HYDIN: variants seen among roughly 807,000 people sequenced by gnomAD.
The protein encoded by HYDIN is axonemal central pair apparatus protein HYDIN.
HYDIN carries 132 observed loss-of-function variants against 403.9 expected under a neutral mutation model. That is an observed-to-expected ratio of 0.33 (90% CI 0.28 to 0.38). The LOEUF (loss-of-function observed/expected upper bound fraction) is 0.38, where lower values mean the gene tolerates loss of function less well. HYDIN is among the 10% of genes least tolerant of loss of function. The pLI, the probability that HYDIN is intolerant of heterozygous loss-of-function variation, is 1.00. For synonymous variants in HYDIN, 1,202 were observed against 1,891.7 expected (o/e 0.64, Z 9.46); for missense variants, 2,827 against 5,009.5 (o/e 0.56, Z 13.15).
rs145782282 is a variant in HYDIN, at chr16:71,134,985, C to T, written c.1043+2166G>A. On this transcript the variant is annotated intron_variant, in intron 8 of 85. Coordinates refer to ENST00000393567, the MANE Select transcript of HYDIN (RefSeq NM_001270974.2). The stretch of plus-strand genomic sequence containing the variant: ...GGAAAGCACGTCGTAGACTCTTTAC[C>T]GAGATAAAACAATAGTTTGGAGAAA... Among the ~76,000 whole-genome samples the T allele has an allele frequency of 3.0e-4, 46 of 152,136 alleles. 1 individual carries two copies. The East Asian group carries it at 8.1e-3, about 27-fold the overall frequency.
At chr16:71,054,399 C>T (rs1464726329) in intron 18 of HYDIN, among the ~76,000 whole-genome samples, 1 of 152,232 alleles carries the variant, frequency 6.6e-6, no homozygotes, top group Non-Finnish European at 1.5e-5. Context: ...TCCTCACACA[C>T]ATTGTGGGGT....
At chr16:70,948,295 C>T (rs975274724) in intron 41 of HYDIN, among the ~76,000 whole-genome samples, 2 of 151,794 alleles carry the variant, frequency 1.3e-5, no homozygotes, top group African/African-American at 4.8e-5. Context: ...ACACCTTATA[C>T]AAAAATCAAT....
At position 70,868,804 on chromosome 16, in the gene HYDIN, G is replaced by T. The variant is rs371712530; in HGVS notation, c.11092-16C>A. ...GGTGGCCCATCTAGGAAAGAGCCTG[G>T]TATTAGTATTTTTGAGAATCCGATC... is the stretch of plus-strand genomic sequence containing the variant. On this transcript the variant is annotated splice_polypyrimidine_tract_variant and intron_variant, in intron 65 of 85. Transcript: ENST00000393567. The T allele has an allele frequency of 1.5e-4, 234 of 1,607,294 alleles. No individual in the cohort carries two copies. The highest frequency in any genetic ancestry group is 1.7e-4 in the Non-Finnish European group (197 of 1,176,530).
At chr16:71,222,470 T>C (rs2040848006) in intron 1 of HYDIN, among the ~76,000 whole-genome samples, 3 of 152,036 alleles carry the variant, frequency 2.0e-5, no homozygotes, top group Admixed American at 2.0e-4. Context: ...GACATAATAC[T>C]GGAAGTCCTA....
At position 70,818,205 on chromosome 16, in the gene HYDIN, TG is replaced by T. The variant is rs2035970194; in HGVS notation, c.14658+136del. ...ACAAGAAAAGGAACATGAGGGTGAT[TG>T]TCCCGTCCTCTGCCTTCCTGACCAC... On this transcript the variant is annotated intron_variant, in intron 84 of 85. Coordinates refer to ENST00000393567, the MANE Select transcript of HYDIN (RefSeq NM_001270974.2). 50 of 596,960 alleles carry T rather than the reference TG, an allele frequency of 8.4e-5. 1 individual carries two copies. The South Asian group carries it at 9.8e-4, about 12-fold the overall frequency. The allele number at this position is 596,960 out of a possible 1,614,324, so 37.0% of individuals were successfully genotyped here. A position where few individuals can be genotyped will look rare whatever the true frequency, so the allele number is the denominator to read the frequency against.
chr16:71,071,827 G>T (rs1383680628), intron 13 of HYDIN, among the ~76,000 whole-genome samples: 1 of 152,148 alleles, frequency 6.6e-6, no homozygotes, highest in Non-Finnish European at 1.5e-5. Flanking sequence ...TCATCAACAT[G>T]CAGGACAAAA....
At chr16:70,867,190 G>T (rs2039811324) in intron 66 of HYDIN, among the ~76,000 whole-genome samples, 1 of 148,406 alleles carries the variant, frequency 6.7e-6, no homozygotes, top group African/African-American at 2.6e-5. Flanking sequence ...TCCTGCAAGG[G>T]ATAACTTGTA....
chr16:70,856,156 T>C (rs957182682), intron 72 of HYDIN, among the ~76,000 whole-genome samples: 1 of 136,630 alleles, frequency 7.3e-6, no homozygotes, highest in African/African-American at 3.2e-5. Flanking sequence ...GGATGTTTTC[T>C]TTGGTTTTCT....
Position 71,069,399 on chromosome 16 carries a change from T to C in HYDIN, c.1842A>G (p.Ser614=). ...PGDGLGHKSI[S]YCEQHVDYKR... ...TGTAGTCCACATGCTGCTCACAATATGAAATGCTTTTATGGCCAAGGCCAT... is the reference window on the plus strand; with the variant it reads ...TGTAGTCCACATGCTGCTCACAATACGAAATGCTTTTATGGCCAAGGCCAT... Residue 614 remains serine (S), a synonymous_variant, in exon 14 of 86, where the codon TCA becomes TCG. Transcript: ENST00000393567. The C allele has an allele frequency of 6.2e-7, 1 of 1,614,208 alleles. No homozygotes were observed. The highest frequency in any genetic ancestry group is 8.5e-7 in the Non-Finnish European group (1 of 1,180,028).
At chr16:70,944,150 G>T (rs570574872) in intron 41 of HYDIN, among the ~76,000 whole-genome samples, 18 of 152,224 alleles carry the variant, frequency 1.2e-4, no homozygotes, top group Non-Finnish European at 1.3e-4. Flanking sequence ...AGCATGGAAG[G>T]TACGTTGTTT....
At position 70,896,043 on chromosome 16, in the gene HYDIN, A is replaced by G. The variant is rs1170722024; in HGVS notation, c.9086T>C (p.Ile3029Thr). Reference sequence around the variant, plus strand: ...CTCTGCAAAGACCATGATATTTTCAATCTGAACAACACCAAGAAGATTTTC... The same window carrying G: ...CTCTGCAAAGACCATGATATTTTCAGTCTGAACAACACCAAGAAGATTTTC... ...DAENLLGVVQ[I>T]ENIMVFAEAY... The change falls in exon 54 of 86, where the codon ATT (isoleucine) becomes ACT (threonine). Residue 3029 changes from isoleucine to threonine, a missense_variant. Ile to Thr is a moderately conservative substitution (Grantham distance 89). Coordinates refer to ENST00000393567, the MANE Select transcript of HYDIN (RefSeq NM_001270974.2). 3 of 1,613,354 alleles carry G rather than the reference A, an allele frequency of 1.9e-6. No individual in the cohort carries two copies. The highest frequency in any genetic ancestry group is 2.7e-5 in the African/African-American group (2 of 74,758).
At chr16:71,214,739 T>C (rs577075554) in intron 1 of HYDIN, among the ~76,000 whole-genome samples, 1 of 152,378 alleles carries the variant, frequency 6.6e-6, no homozygotes, top group Admixed American at 6.5e-5. Context: ...GTACATCCTA[T>C]AAGGCTCTTC....
chr16:71,098,617 C>A (rs191132423), intron 10 of HYDIN, among the ~76,000 whole-genome samples: 2,363 of 150,626 alleles, frequency 0.016, 4 homozygotes, highest in Non-Finnish European at 0.027. Context: ...GATTGAGATC[C>A]AACTTTCAGA....
chr16:70,947,484 T>C (rs1167782018), intron 41 of HYDIN, among the ~76,000 whole-genome samples: 1 of 151,672 alleles, frequency 6.6e-6, no homozygotes, highest in Non-Finnish European at 1.5e-5. Flanking sequence ...TCATCAAGGA[T>C]ATTGGTCTAA....
intron 23 of HYDIN, among the ~76,000 whole-genome samples, chr16:70,995,151 C>T (rs1445988814): frequency 7.9e-5 from 12 of 152,148 alleles, no homozygotes; most frequent in Non-Finnish European, 1.8e-4. Context: ...GTAATGAGGA[C>T]TTTACGTTAT....
chr16:70,842,974 AC>A (rs1268380280), intron 75 of HYDIN, among the ~76,000 whole-genome samples: 118 of 151,956 alleles, frequency 7.8e-4, no homozygotes, highest in Non-Finnish European at 1.3e-3. Context: ...TACATTTAAA[AC>A]AATCTAGTTT....
At chr16:71,120,372 C>T (rs1597822769) in intron 9 of HYDIN, among the ~76,000 whole-genome samples, 1 of 137,346 alleles carries the variant, frequency 7.3e-6, no homozygotes, top group African/African-American at 2.8e-5. Context: ...TCCCATATTG[C>T]GATTTTTGCC....
In HYDIN at chr16:71,130,818, T is replaced by C. The variant is rs546786648; in HGVS notation, c.1044-995A>G. 4.6e-5 allele frequency among the ~76,000 whole-genome samples: 7 copies of C among 152,190 alleles called. No individual in the cohort carries two copies. In the East Asian group the frequency reaches 5.8e-4, roughly 13 times the overall value. On this transcript the variant is annotated intron_variant, in intron 8 of 85. Transcript: ENST00000393567. ...ACCGGTTTTCTCCCCCTGTCAACCATAGGCAATCGCCAAGCTGTCAGCTTA... is the reference window on the plus strand; with the variant it reads ...ACCGGTTTTCTCCCCCTGTCAACCACAGGCAATCGCCAAGCTGTCAGCTTA...
intron 72 of HYDIN, among the ~76,000 whole-genome samples, chr16:70,856,662 T>C (rs926961750): frequency 3.9e-5 from 6 of 152,234 alleles, no homozygotes; most frequent in African/African-American, 1.4e-4. Flanking sequence ...GTAATGATTA[T>C]ATTGAAACGT....
Sources: allele counts gnomAD v4.1 joint callset (sites outside exome capture counted in the v4.1 genomes callset), GRCh38; gene constraint gnomAD v4.1.1; transcripts MANE v1.5; gene names NCBI Gene and HGNC (gene_info 2026-07-23, HGNC 2026-07-21).